FADS6: variants seen among roughly 807,000 people sequenced by gnomAD.
FADS6 encodes the protein fatty acid desaturase domain family, member 6.
FADS6 carries 28 observed loss-of-function variants against 31.7 expected under a neutral mutation model. That is an observed-to-expected ratio of 0.88 (90% confidence interval 0.66 to 1.21). FADS6 has a LOEUF of 1.21. Ranked by LOEUF, FADS6 falls within the 50% of genes most tolerant of loss-of-function variation. FADS6 has a pLI of 0.00. For synonymous variants in FADS6, 191 were observed against 213.1 expected (o/e 0.90, Z 0.90); for missense variants, 494 against 504.2 (o/e 0.98, Z 0.19).
chr17:74,883,024 T>C, intron 2 of FADS6: 2 of 512,512 alleles, frequency 3.9e-6, no homozygotes, highest in Non-Finnish European at 7.0e-6. Flanking sequence ...TCTGTCGTGA[T>C]TGGAGGCACT....
In FADS6 at chr17:74,888,188, C is replaced by T. The variant is rs192327839; in HGVS notation, c.411+4335G>A. ...CGCGCGCGCGCAGAGTACCAATGTC[C>T]GTTTCCTTGGTTTTGATATTGAATG... On this transcript the variant is annotated intron_variant, in intron 2 of 5. Coordinates refer to ENST00000612771, the MANE Select transcript of FADS6 (RefSeq NM_178128.6). 3.7e-3 allele frequency among the ~76,000 whole-genome samples: 560 copies of T among 149,748 alleles called. 21 individuals are homozygous for T. Among genetic ancestry groups the T allele is most frequent in the Admixed American group, 0.033 (503 of 15,066 alleles).
chr17:74,892,257 C>G (rs12601945), intron 2 of FADS6, among the ~76,000 whole-genome samples: 6,060 of 152,266 alleles, frequency 0.04, 274 homozygotes, highest in East Asian at 0.2. Context: ...TCTGGAGGCC[C>G]CACTGGTTGT....
At chr17:74,888,182 A>C (rs1453132295) in intron 2 of FADS6, among the ~76,000 whole-genome samples, 1 of 148,314 alleles carries the variant, frequency 6.7e-6, no homozygotes, top group Non-Finnish European at 1.5e-5. Context: ...GCAGAGTACC[A>C]ATGTCCGTTT....
Position 74,878,417 on chromosome 17 carries a change from A to G in FADS6, c.1021T>C (p.Tyr341His), listed in dbSNP as rs2038529985. ...AGAAACAGCTGGAAGCGAGCCAGGT[A>G]TGAGTCCTCGTTGTACGGTAGCTGC... ...EKQLPYNEDSYLARFQLFLRR... is the reference protein window; with the variant it reads ...EKQLPYNEDSHLARFQLFLRR... Residue 341 changes from tyrosine to histidine, a missense_variant, in exon 6 of 6, where the codon TAC becomes CAC. Tyr to His is a moderately conservative substitution (Grantham distance 83, BLOSUM62 2). Transcript: ENST00000612771. 3.1e-6 allele frequency: 5 copies of G among 1,613,924 alleles called. No individual in the cohort carries two copies. Among genetic ancestry groups the G allele is most frequent in the African/African-American group, 1.3e-5 (1 of 74,954 alleles).
chr17:74,888,818 T>TA (rs2038658908), intron 2 of FADS6, among the ~76,000 whole-genome samples: 1 of 152,154 alleles, frequency 6.6e-6, no homozygotes, highest in South Asian at 2.1e-4. Flanking sequence ...CTTCGGGGCT[T>TA]AAATTACGGG....
Position 74,882,514 on chromosome 17 carries a change from C to A in FADS6, c.592+16G>T, listed in dbSNP as rs1464961585. 6.2e-7 allele frequency: 1 copy of A among 1,600,726 alleles called. No individual in the cohort carries two copies. Among genetic ancestry groups the A allele is most frequent in the South Asian group, 1.1e-5 (1 of 88,932 alleles). ...TCCATGCAGGACACTGCGGACCGGG[C>A]TCTCATGGCACTCACCGACAGCCAC... On this transcript the variant is annotated intron_variant, in intron 3 of 5. Coordinates refer to ENST00000612771, the MANE Select transcript of FADS6 (RefSeq NM_178128.6).
intron 5 of FADS6, among the ~76,000 whole-genome samples, chr17:74,878,709 T>C (rs1368469033): frequency 6.6e-6 from 1 of 152,194 alleles, no homozygotes; most frequent in Non-Finnish European, 1.5e-5. Context: ...ATGACAGCCC[T>C]CCTTGGCACA....
intron 3 of FADS6, among the ~76,000 whole-genome samples, chr17:74,882,090 C>G (rs897901956): frequency 2.6e-5 from 4 of 152,046 alleles, no homozygotes; most frequent in African/African-American, 9.7e-5. Context: ...CGCCCACCAC[C>G]ACGCCCAGCT....
intron 2 of FADS6, among the ~76,000 whole-genome samples, chr17:74,891,392 G>A (rs9890923): frequency 6.6e-6 from 1 of 151,964 alleles, no homozygotes; most frequent in African/African-American, 2.4e-5. Flanking sequence ...CTGTGACCCA[G>A]CATTATGACA....
In FADS6 at chr17:74,881,238, C is replaced by T; in HGVS notation, c.610G>A (p.Glu204Lys). The change falls in exon 4 of 6, where the codon GAG becomes AAG. Residue 204 changes from glutamate to lysine, a missense_variant. Glu to Lys is a moderately conservative substitution (Grantham distance 56, BLOSUM62 1). Transcript: ENST00000612771. The stretch of plus-strand genomic sequence containing the variant: ...AGCGTCCGCAGGGCTGTCCCGAGCT[C>T]CACCTTCCTCAGCCGCTCTGCCATA... ...LVAVERLRKV[E>K]LGTALRTLAL... 6.3e-7 allele frequency: 1 copy of T among 1,599,896 alleles called. No homozygotes were observed. The highest frequency in any genetic ancestry group is 8.5e-7 in the Non-Finnish European group (1 of 1,173,790).
chr17:74,878,138 A>C lies in FADS6; in HGVS notation c.*193T>G. On this transcript the variant is annotated 3_prime_UTR_variant, in exon 6 of 6. Coordinates refer to ENST00000612771, the MANE Select transcript of FADS6 (RefSeq NM_178128.6). ...TTACCGCTTCACCCAGACACCCCTC[A>C]AAACCCAGAAAAGCACGCAAGGCAG... 1.4e-6 allele frequency: 2 copies of C among 1,419,614 alleles called. No individual in the cohort carries two copies. The highest frequency in any genetic ancestry group is 5.2e-5 in the East Asian group (2 of 38,670). 87.9% of individuals were successfully genotyped at this position (1,419,614 alleles called of 1,614,324 possible). A position where few individuals can be genotyped will look rare whatever the true frequency, so the allele number is the denominator to read the frequency against.
At chr17:74,878,604 C>A in intron 5 of FADS6, 127 bp from the exon 6 acceptor site, 2 of 1,187,602 alleles carry the variant, frequency 1.7e-6, no homozygotes, top group East Asian at 2.5e-5. Context: ...CAAGATTCTC[C>A]GGAGGAGCAG....
At chr17:74,893,221 C>T (rs2038711519) in intron 1 of FADS6, 131 bp downstream of exon 1, 4 of 1,086,448 alleles carry the variant, frequency 3.7e-6, no homozygotes, top group Non-Finnish European at 5.0e-6. Context: ...ACCTCCGCCT[C>T]CCTGCCGCCG....
At chr17:74,880,437 C>G (rs796588505) in intron 4 of FADS6, among the ~76,000 whole-genome samples, 25 of 152,242 alleles carry the variant, frequency 1.6e-4, no homozygotes, top group Middle Eastern at 3.4e-3. Context: ...TCACTGCAAC[C>G]TCTGCCTCCC....
rs187678555 is a variant in FADS6 at position 74,887,533 on chromosome 17, C to T, written c.412-4823G>A. 4.6e-5 allele frequency among the ~76,000 whole-genome samples: 7 copies of T among 152,360 alleles called. No individual in the cohort carries two copies. The East Asian group carries it at 9.6e-4, about 21-fold the overall frequency. ...ACCTACCAGCTGGCGTGGCATTGCA[C>T]AAGTGGCTTAAACTCCCAGATCAGT... On this transcript the variant is annotated intron_variant, in intron 2 of 5. Transcript: ENST00000612771.
At chr17:74,883,887 C>G (rs968853682) in intron 2 of FADS6, among the ~76,000 whole-genome samples, 1 of 152,120 alleles carries the variant, frequency 6.6e-6, no homozygotes, top group Non-Finnish European at 1.5e-5. Flanking sequence ...AGGCTAGTCT[C>G]GAACTCCTGG....
chr17:74,892,510 C>A lies in FADS6; in HGVS notation c.411+13G>T. On this transcript the variant is annotated intron_variant, in intron 2 of 5. Coordinates refer to ENST00000612771, the MANE Select transcript of FADS6 (RefSeq NM_178128.6). ...CCCAGCAGCTGCCTGCATCCTCCTT[C>A]TCCCAGGCTCACCTCCACAAAGAAA... 6.2e-7 allele frequency: 1 copy of A among 1,608,882 alleles called. No individual in the cohort carries two copies.
intron 2 of FADS6, among the ~76,000 whole-genome samples, chr17:74,890,433 G>A (rs1175733677): frequency 2.6e-5 from 4 of 152,114 alleles, no homozygotes; most frequent in Non-Finnish European, 5.9e-5. Context: ...CGCATCCCAC[G>A]TAGGTCAGTC....
chr17:74,878,576 T>C (rs2038532842), intron 5 of FADS6, 99 bp from the exon 6 acceptor site: 2 of 1,431,228 alleles, frequency 1.4e-6, no homozygotes, highest in Non-Finnish European at 1.9e-6. Flanking sequence ...CCACCCCCAG[T>C]TCCTATCGGC....
Sources: gnomAD v4.1 joint callset for allele counts (sites outside exome capture counted in the v4.1 genomes callset) on GRCh38, gnomAD v4.1.1 for gene constraint, MANE v1.5 for transcripts, NCBI Gene and HGNC (gene_info 2026-07-23, HGNC 2026-07-21) for gene names.